The following PIGL variants were observed in gnomAD, a reference collection of about 807,000 sequenced individuals.
PIGL encodes N-acetylglucosaminyl-phosphatidylinositol de-N-acetylase.
A neutral mutation model predicts 31.1 loss-of-function variants in PIGL; 22 were observed. That is an observed-to-expected ratio of 0.71 (90% confidence interval 0.51 to 1.01). PIGL has a LOEUF of 1.01. Among genes scored for constraint, PIGL ranks in the 50% least tolerant of loss-of-function variants. PIGL has a pLI of 0.00. For missense variants in PIGL, 302 were observed against 315.9 expected (o/e 0.96, Z 0.33); for synonymous variants, 131 against 117.4 (o/e 1.12, Z -0.75).
At chr17:16,270,244 G>C (rs1185711215) in intron 2 of PIGL, among the ~76,000 whole-genome samples, 2 of 150,330 alleles carry the variant, frequency 1.3e-5, no homozygotes, top group East Asian at 3.9e-4. Flanking sequence ...AGCCGAGCTT[G>C]CACCACTGCA....
chr17:16,286,033 T>G (rs1213329291), intron 2 of PIGL, among the ~76,000 whole-genome samples: 3 of 152,260 alleles, frequency 2.0e-5, no homozygotes, highest in African/African-American at 7.2e-5. Context: ...CGTCCTTGGC[T>G]AGCCTTAAGG....
At chr17:16,251,468 T>C (rs1489483817) in intron 2 of PIGL, among the ~76,000 whole-genome samples, 4 of 151,532 alleles carry the variant, frequency 2.6e-5, no homozygotes, top group Non-Finnish European at 5.9e-5. Context: ...GTACATTTAA[T>C]TGACATCGTA....
intron 1 of PIGL, among the ~76,000 whole-genome samples, chr17:16,228,949 A>T (rs371949873): frequency 6.6e-6 from 1 of 152,118 alleles, no homozygotes; most frequent in East Asian, 1.9e-4. Flanking sequence ...CTGTTTTCAA[A>T]GTTCATCCAT....
rs984995135 is a variant in PIGL at position 16,303,887 on chromosome 17, T to C, written c.426+3909T>C. Among the ~76,000 whole-genome samples, 4 of 152,090 alleles carry C rather than the reference T, an allele frequency of 2.6e-5. 1 individual carries two copies. The highest frequency in any genetic ancestry group is 2.4e-5 in the African/African-American group (1 of 41,408). ...CCGCCACCATGCTTGGCTAATTTTT[T>C]GTATTTTTAGTAGAGACGGGGTTTC... On this transcript the variant is annotated intron_variant, in intron 3 of 6. Transcript: ENST00000225609.
chr17:16,250,879 ACTATTTTCCAC>A (rs1030638339), intron 2 of PIGL, among the ~76,000 whole-genome samples: 6 of 152,192 alleles, frequency 3.9e-5, no homozygotes, highest in Non-Finnish European at 8.8e-5. Context: ...TGCTTCAACC[ACTATTTTCCAC>A]CTACTCCATG....
chr17:16,257,679 A>G (rs2092800088), intron 2 of PIGL, among the ~76,000 whole-genome samples: 1 of 151,152 alleles, frequency 6.6e-6, no homozygotes, highest in South Asian at 2.1e-4. Flanking sequence ...ATAGAAATTG[A>G]TGCTATTTAA....
At chr17:16,245,979 C>T (rs1220231822) in intron 2 of PIGL, among the ~76,000 whole-genome samples, 2 of 149,138 alleles carry the variant, frequency 1.3e-5, no homozygotes, top group East Asian at 2.1e-4. Flanking sequence ...GCCACCTTGA[C>T]CAGCTATTTT....
At chr17:16,246,461 G>A (rs1045427049) in intron 2 of PIGL, among the ~76,000 whole-genome samples, 5 of 151,010 alleles carry the variant, frequency 3.3e-5, no homozygotes, top group Non-Finnish European at 7.4e-5. Flanking sequence ...GCACTGAGCC[G>A]AGATTGCACC....
At chr17:16,279,309 C>T (rs919328312) in intron 2 of PIGL, among the ~76,000 whole-genome samples, 4 of 152,156 alleles carry the variant, frequency 2.6e-5, no homozygotes, top group East Asian at 3.8e-4. Flanking sequence ...GCAGAGCAGC[C>T]GGTCACTTTA....
chr17:16,294,670 A>T (rs761574550), intron 2 of PIGL, among the ~76,000 whole-genome samples: 1 of 152,260 alleles, frequency 6.6e-6, no homozygotes, highest in Non-Finnish European at 1.5e-5. Flanking sequence ...CTCTATTCCA[A>T]TGGAAACTAC....
intron 6 of PIGL, among the ~76,000 whole-genome samples, chr17:16,320,200 GAAAAGGAA>G (rs2093097114): frequency 1.8e-5 from 2 of 108,272 alleles, no homozygotes; most frequent in East Asian, 2.8e-4. Flanking sequence ...GTGAGAGAAA[GAAAAGGAA>G]GGAAGGAAGG....
At chr17:16,270,848 G>A (rs531000297) in intron 2 of PIGL, among the ~76,000 whole-genome samples, 112 of 151,644 alleles carry the variant, frequency 7.4e-4, no homozygotes, top group African/African-American at 2.3e-3. Context: ...AGCCGAGATC[G>A]CGCAACTGCA....
intron 3 of PIGL, among the ~76,000 whole-genome samples, chr17:16,311,463 C>CTTTATTTTTTTTTTTTTTTTTTTT (rs1313783180): frequency 1.7e-4 from 1 of 5,830 alleles, no homozygotes; most frequent in Non-Finnish European, 3.7e-4. Flanking sequence ...CAGAGGTTTT[C>CTTTATTTTTTTTTTTTTTTTTTTT]TTTCTTTTTT....
Position 16,299,939 on chromosome 17 carries a change from A to G in PIGL, c.387A>G (p.Arg129=). Residue 129 remains arginine (R), a synonymous_variant, in exon 3 of 7, where the codon AGA becomes AGG. Transcript: ENST00000225609. The part of the protein sequence containing the change: ...GMQWDTEHVA[R]VLLQHIEVNG... ...AGTGGGACACAGAGCACGTGGCCAG[A>G]GTCCTCCTTCAGCACATAGAAGTGA... 6.2e-7 allele frequency: 1 copy of G among 1,614,166 alleles called. No homozygotes were observed. Among genetic ancestry groups the G allele is most frequent in the Non-Finnish European group, 8.5e-7 (1 of 1,179,968 alleles).
At chr17:16,323,283 G>A (rs906218223) in intron 6 of PIGL, among the ~76,000 whole-genome samples, 1 of 151,954 alleles carries the variant, frequency 6.6e-6, no homozygotes, top group African/African-American at 2.4e-5. Flanking sequence ...GCCCATGCTG[G>A]AGTGCAATGG....
intron 1 of PIGL, among the ~76,000 whole-genome samples, chr17:16,223,747 C>G (rs899707111): frequency 6.6e-6 from 1 of 151,800 alleles, no homozygotes; most frequent in Non-Finnish European, 1.5e-5. Flanking sequence ...AAAGCTCATT[C>G]TGGTGGCAAT....
chr17:16,251,499 C>T (rs1255089592), intron 2 of PIGL, among the ~76,000 whole-genome samples: 1 of 151,800 alleles, frequency 6.6e-6, no homozygotes, highest in East Asian at 1.9e-4. Flanking sequence ...TCTATTTTCC[C>T]CTTGTTCTGA....
intron 3 of PIGL, among the ~76,000 whole-genome samples, chr17:16,310,567 G>A (rs1386367596): frequency 2.6e-5 from 4 of 151,826 alleles, no homozygotes; most frequent in South Asian, 4.2e-4. Context: ...ACAGAGTTTC[G>A]CTCTTGTCAC....
At chr17:16,225,383 CTTTTTTTTTTTT>C (rs948575134) in intron 1 of PIGL, among the ~76,000 whole-genome samples, 1 of 97,566 alleles carries the variant, frequency 1.0e-5, no homozygotes, top group South Asian at 3.3e-4. Context: ...AAGCACGTTT[CTTTTTTTTTTTT>C]TTTTTTTTTT....
Sources: gnomAD v4.1 joint callset for allele counts (sites outside exome capture counted in the v4.1 genomes callset) on GRCh38, gnomAD v4.1.1 for gene constraint, MANE v1.5 for transcripts, NCBI Gene and HGNC (gene_info 2026-07-23, HGNC 2026-07-21) for gene names.